Variants in SIM2 observed in about 807,000 individuals in gnomAD.
SIM2 encodes the protein SIM bHLH transcription factor 2.
In SIM2, 28 loss-of-function variants were observed where a neutral mutation model predicts 64.8. That is an observed-to-expected ratio of 0.43 (90% CI 0.32 to 0.59). SIM2 has a LOEUF of 0.59. SIM2 is among the 20% of genes least tolerant of loss of function. The pLI is 0.07. For synonymous variants in SIM2, 408 were observed against 391.1 expected (o/e 1.04, Z -0.51); for missense variants, 847 against 871.4 (o/e 0.97, Z 0.35).
At chr21:36,700,098 A>G (rs1187076603) in intron 1 of SIM2, among the ~76,000 whole-genome samples, 177 bp downstream of exon 1, 1 of 152,172 alleles carries the variant, frequency 6.6e-6, no homozygotes, top group Non-Finnish European at 1.5e-5. Flanking sequence ...GCGAGGGGCC[A>G]GGGCCTTGGC....
Position 36,745,069 on chromosome 21 carries a change from T to TG in SIM2, c.1509_1510insG (p.Pro504AlafsTer3). The TG allele has an allele frequency of 6.2e-7, 1 of 1,613,434 alleles. No homozygotes were observed. The highest frequency in any genetic ancestry group is 8.5e-7 in the Non-Finnish European group (1 of 1,179,436). ...ACCCCCTAGTGCCTAGCAGCTCGTC[T>TG]CCAGCTAAAAATCCTCCAGAGCCAC... On this transcript the variant is annotated frameshift_variant, in exon 10 of 11. Coordinates refer to ENST00000290399, the MANE Select transcript of SIM2 (RefSeq NM_005069.6). LOFTEE classifies it high-confidence loss of function. The surrounding 1 kb of genome is among the most constrained non-coding windows in gnomAD (Gnocchi z 4.8).
At chr21:36,701,086 A>G (rs2088487627) in intron 1 of SIM2, among the ~76,000 whole-genome samples, 1 of 152,172 alleles carries the variant, frequency 6.6e-6, no homozygotes, top group Admixed American at 6.5e-5. Flanking sequence ...CCTGGCCCGA[A>G]GGATTTGACT....
intron 3 of SIM2, among the ~76,000 whole-genome samples, chr21:36,718,710 C>T (rs916669477): frequency 6.6e-6 from 1 of 152,134 alleles, no homozygotes; most frequent in Admixed American, 6.5e-5. Context: ...CTGGGGTTCA[C>T]CGACTCACTG....
At chr21:36,737,838 G>C (rs1400162353) in intron 7 of SIM2, among the ~76,000 whole-genome samples, 1 of 151,670 alleles carries the variant, frequency 6.6e-6, no homozygotes, top group African/African-American at 2.4e-5. Context: ...GCATTCGCCT[G>C]TAATCCCAGC....
Position 36,709,193 on chromosome 21 carries a change from G to A in SIM2, c.201G>A (p.Pro67=), listed in dbSNP as rs769910823. The A allele has an allele frequency of 1.6e-5, 25 of 1,610,438 alleles. No individual in the cohort carries two copies. The South Asian group carries it at 2.5e-4, about 16-fold the overall frequency. The change falls in exon 2 of 11, where the codon CCG becomes CCA. Residue 67 remains proline (P), a synonymous_variant. Coordinates refer to ENST00000290399, the MANE Select transcript of SIM2 (RefSeq NM_005069.6). ...PEGLGDAWGQ[P]SRAGPLDGVA... Reference sequence around the variant, plus strand: ...GTTTAGGAGACGCGTGGGGACAGCCGAGCCGCGCCGGGCCCCTGGACGGCG... The same window carrying A: ...GTTTAGGAGACGCGTGGGGACAGCCAAGCCGCGCCGGGCCCCTGGACGGCG...
chr21:36,714,607 C>T (rs1399071855), intron 3 of SIM2, among the ~76,000 whole-genome samples: 1 of 152,168 alleles, frequency 6.6e-6, no homozygotes, highest in African/African-American at 2.4e-5. Context: ...TTTGAGCAAA[C>T]TTGCTTTCAG....
At position 36,726,084 on chromosome 21, in the gene SIM2, T is replaced by G. The variant is rs1430881220; in HGVS notation, c.544-35T>G. 6.3e-7 allele frequency: 1 copy of G among 1,577,044 alleles called. No homozygotes were observed. Among genetic ancestry groups the G allele is most frequent in the Admixed American group, 1.7e-5 (1 of 59,902 alleles). On this transcript the variant is annotated intron_variant, in intron 5 of 10. Coordinates refer to ENST00000290399, the MANE Select transcript of SIM2 (RefSeq NM_005069.6). The surrounding 1 kb of genome is among the most constrained non-coding windows in gnomAD (Gnocchi z 4.5). ...GGAGTGGGCTCCAGCCCAACCCCAG[T>G]GGCCAGTGGCTGACCCTGCCCTCTC...
Position 36,699,506 on chromosome 21 carries a change from C to T in SIM2, c.-241C>T. The T allele has an allele frequency of 8.7e-6, 3 of 343,300 alleles. No homozygotes were observed. The highest frequency in any genetic ancestry group is 1.0e-5 in the Non-Finnish European group (2 of 192,218). 21.3% of individuals were successfully genotyped at this position (343,300 alleles called of 1,614,324 possible). A position where few individuals can be genotyped will look rare whatever the true frequency, so the allele number is the denominator to read the frequency against. On this transcript the variant is annotated 5_prime_UTR_variant, in exon 1 of 11. Transcript: ENST00000290399. The surrounding 1 kb of genome is among the most constrained non-coding windows in gnomAD (Gnocchi z 5.6). ...TCCGGTTGCTGCAGGACGGTCCAGCCCGGAGGAGGCTGCGCTCCGGGCAGC... is the reference window on the plus strand; with the variant it reads ...TCCGGTTGCTGCAGGACGGTCCAGCTCGGAGGAGGCTGCGCTCCGGGCAGC...
chr21:36,736,845 CT>C (rs1568938353), intron 7 of SIM2, among the ~76,000 whole-genome samples: 2 of 143,890 alleles, frequency 1.4e-5, no homozygotes, highest in East Asian at 2.0e-4. Flanking sequence ...CTTTCTCTTT[CT>C]TTTCTTTCTT....
chr21:36,711,796 A>C (rs2088680742), intron 2 of SIM2, among the ~76,000 whole-genome samples: 1 of 152,160 alleles, frequency 6.6e-6, no homozygotes, highest in Admixed American at 6.5e-5. Flanking sequence ...TTGACACATA[A>C]ATATAATCAT....
rs1254359376 is a variant in SIM2 at position 36,747,385 on chromosome 21, G to A, written c.1577-280G>A. On this transcript the variant is annotated intron_variant, in intron 10 of 10. Coordinates refer to ENST00000290399, the MANE Select transcript of SIM2 (RefSeq NM_005069.6). This position sits in a 1 kb window ranked among gnomAD's most constrained non-coding sequence, Gnocchi z 4.5. ...AAATATCCCAATAATTGTTTCACAC[G>A]GATTCCATTGAGAGAGTATTTTGGA... 3.9e-5 allele frequency among the ~76,000 whole-genome samples: 6 copies of A among 152,144 alleles called. No individual in the cohort carries two copies. Among genetic ancestry groups the A allele is most frequent in the Admixed American group, 3.3e-4 (5 of 15,284 alleles).
chr21:36,724,654 C>T (rs1046004703), intron 5 of SIM2, among the ~76,000 whole-genome samples: 3 of 152,192 alleles, frequency 2.0e-5, no homozygotes, highest in Non-Finnish European at 2.9e-5. Flanking sequence ...ACAACACCAT[C>T]TTGTTCTTGG....
chr21:36,707,206 T>G (rs570891045), intron 1 of SIM2, among the ~76,000 whole-genome samples: 1 of 152,320 alleles, frequency 6.6e-6, no homozygotes, highest in East Asian at 1.9e-4. Flanking sequence ...CTTTGTCGCT[T>G]TTTGGAAATC....
Position 36,726,155 on chromosome 21 carries a change from T to G in SIM2, c.580T>G (p.Tyr194Asp). 6.2e-7 allele frequency: 1 copy of G among 1,613,988 alleles called. No homozygotes were observed. Among genetic ancestry groups the G allele is most frequent in the Admixed American group, 1.7e-5 (1 of 60,032 alleles). The change falls in exon 6 of 11, where the codon TAT becomes GAT. Residue 194 changes from tyrosine to aspartate, a missense_variant. Coordinates refer to ENST00000290399, the MANE Select transcript of SIM2 (RefSeq NM_005069.6). The surrounding 1 kb of genome is among the most constrained non-coding windows in gnomAD (Gnocchi z 4.5). ...HCSGYLKIRQ[Y>D]MLDMSLYDSC... ...CAGTGGCTACTTGAAGATCAGGCAG[T>G]ATATGCTGGACATGTCCCTGTACGA...
At chr21:36,744,382 A>AGGAAGGAAG (rs921156900) in intron 9 of SIM2, among the ~76,000 whole-genome samples, 2 of 151,796 alleles carry the variant, frequency 1.3e-5, no homozygotes, top group African/African-American at 4.8e-5. Flanking sequence ...GACGGAAGGA[A>AGGAAGGAAG]GGAAGGAAGG....
chr21:36,748,155 C>T lies in SIM2; in HGVS notation c.*63C>T. The stretch of plus-strand genomic sequence containing the variant: ...TCCCGGGGCTGCGGCGCCACCGAGC[C>T]CGGCAAATGCGCACGACCTACATTA... On this transcript the variant is annotated 3_prime_UTR_variant, in exon 11 of 11. Transcript: ENST00000290399. 1.2e-6 allele frequency: 1 copy of T among 819,000 alleles called. No homozygotes were observed. The allele number at this position is 819,000 out of a possible 1,614,324, so 50.7% of individuals were successfully genotyped here. A position where few individuals can be genotyped will look rare whatever the true frequency, so the allele number is the denominator to read the frequency against.
intron 6 of SIM2, 79 bp from the exon 7 acceptor site, chr21:36,730,966 G>C: frequency 9.9e-7 from 1 of 1,014,192 alleles, no homozygotes; most frequent in Non-Finnish European, 1.5e-6. Flanking sequence ...CACTTGATTA[G>C]TTGGCAAAAC....
intron 6 of SIM2, among the ~76,000 whole-genome samples, chr21:36,728,870 A>G (rs1601701608): frequency 1.3e-5 from 2 of 152,208 alleles, no homozygotes; most frequent in South Asian, 2.1e-4. Context: ...GTCTGGCGCC[A>G]CACCCCGCAC....
In SIM2 at chr21:36,748,033, C is replaced by G. The variant is rs1469534783; in HGVS notation, c.1945C>G (p.Pro649Ala). 47 of 1,189,774 alleles carry G rather than the reference C, an allele frequency of 4.0e-5. No homozygotes were observed. Among genetic ancestry groups the G allele is most frequent in the Non-Finnish European group, 4.4e-5 (42 of 961,856 alleles). 73.7% of individuals were successfully genotyped at this position (1,189,774 alleles called of 1,614,324 possible). Residue 649 changes from proline (P) to alanine (A), a missense_variant, in exon 11 of 11, where the codon CCC becomes GCC. Physicochemically the swap from Pro to Ala is conservative, Grantham distance 27 (BLOSUM62 -1). Coordinates refer to ENST00000290399, the MANE Select transcript of SIM2 (RefSeq NM_005069.6). ...CCCGAGCCCCGCCGCCACCTCCCCG[C>G]CCGGCGCGCCCCTGCCGCACTACCT... Reference protein sequence around the residue: ...RHPSPAATSPPGAPLPHYLGA... With the variant: ...RHPSPAATSPAGAPLPHYLGA...
Sources: allele counts gnomAD v4.1 joint callset (sites outside exome capture counted in the v4.1 genomes callset), GRCh38; gene constraint gnomAD v4.1.1; non-coding constraint Gnocchi (gnomAD v3.1); transcripts MANE v1.5; gene names NCBI Gene and HGNC (gene_info 2026-07-23, HGNC 2026-07-21).